The following DMTN variants were observed in gnomAD, a reference collection of about 807,000 sequenced individuals.
DMTN encodes dematin.
Under a neutral mutation model 59.4 loss-of-function variants are expected in DMTN, and 27 were observed. The ratio of observed to expected loss-of-function variants is 0.45; its 90% confidence interval spans 0.33 to 0.63. The LOEUF (loss-of-function observed/expected upper bound fraction) is 0.63. Ranked by LOEUF, DMTN falls within the 20% of genes least tolerant of loss-of-function variation. DMTN has a pLI of 0.02. For missense variants in DMTN, 451 were observed against 528.9 expected (o/e 0.85, Z 1.45); for synonymous variants, 221 against 203.7 (o/e 1.08, Z -0.72).
chr8:22,068,632 AG>A (rs1812679762), intron 4 of DMTN, among the ~76,000 whole-genome samples: 1 of 151,834 alleles, frequency 6.6e-6, no homozygotes, highest in Non-Finnish European at 1.5e-5. Flanking sequence ...GGAGAGAGAG[AG>A]GAAGGAAAGA....
Position 22,058,772 on chromosome 8 carries a change from G to A in DMTN, c.-172+1636G>A, listed in dbSNP as rs1804180205. Among the ~76,000 whole-genome samples the A allele has an allele frequency of 6.6e-6, 1 of 152,200 alleles. No homozygotes were observed. Among genetic ancestry groups the A allele is most frequent in the Admixed American group, 6.5e-5 (1 of 15,292 alleles). On this transcript the variant is annotated intron_variant, in intron 1 of 15. Transcript: ENST00000358242. This position sits in a 1 kb window ranked among gnomAD's most constrained non-coding sequence, Gnocchi z 4.3. ...GTAAAAAACATTGGAGTAGGGGAGA[G>A]GGAGAAAGTGGGAGAAGAGGAGGGA...
chr8:22,061,442 G>A (rs1011033038), intron 1 of DMTN, among the ~76,000 whole-genome samples: 5 of 152,182 alleles, frequency 3.3e-5, no homozygotes, highest in Non-Finnish European at 7.3e-5. Flanking sequence ...CCTCTGGCAC[G>A]GTATTTGTGC....
rs760084958 is a variant in DMTN, at chr8:22,067,777, T to A, written c.249+95T>A. On this transcript the variant is annotated intron_variant, in intron 4 of 15. Transcript: ENST00000358242. ...CCTCCCGTGCTTCCTTTCCTGGAGG[T>A]CTGCCTCGGCAAAACAAGAGAGGGA... 6.1e-4 allele frequency: 884 copies of A among 1,449,898 alleles called. 1 individual carries two copies. The highest frequency in any genetic ancestry group is 7.8e-4 in the Non-Finnish European group (834 of 1,075,380). 89.8% of individuals were successfully genotyped at this position (1,449,898 alleles called of 1,614,324 possible). A position where few individuals can be genotyped will look rare whatever the true frequency, so the allele number is the denominator to read the frequency against.
chr8:22,055,414 T>G (rs113279186), upstream of DMTN: 1,842 of 152,428 alleles, frequency 0.012, 14 homozygotes, highest in Non-Finnish European at 0.014. Context: ...CCCCTCTGTC[T>G]CTCAGACTCT....
intron 14 of DMTN, 110 bp downstream of exon 14, chr8:22,080,980 C>A (rs1823887163): frequency 1.4e-6 from 2 of 1,480,804 alleles, no homozygotes; most frequent in Non-Finnish European, 1.8e-6. Context: ...GGAGGGATGG[C>A]AGGGAAGTTG....
At chr8:22,053,858 G>A (rs1168758905), upstream of DMTN, 1 of 152,274 alleles carries the variant, frequency 6.6e-6, no homozygotes. Context: ...ACCCGCCTGG[G>A]GCCTGAGCCA....
In DMTN at chr8:22,066,700, C is replaced by T. The variant is rs1173641402; in HGVS notation, c.-171-5C>T. ...CGGCGCGGCCTCCCTCCCTTCTCCC[C>T]GCAGCCTGGAGAGTCACCGCCGAGG... On this transcript the variant is annotated splice_polypyrimidine_tract_variant and splice_region_variant and intron_variant, in intron 1 of 15. Transcript: ENST00000358242. The T allele has an allele frequency of 9.6e-6, 6 of 623,238 alleles. No homozygotes were observed. The highest frequency in any genetic ancestry group is 1.4e-5 in the Non-Finnish European group (6 of 442,808). 38.6% of individuals were successfully genotyped at this position (623,238 alleles called of 1,614,324 possible).
At chr8:22,066,449 G>A (rs1448554467) in intron 1 of DMTN, 2 of 153,826 alleles carry the variant, frequency 1.3e-5, no homozygotes, top group African/African-American at 4.8e-5. Flanking sequence ...CAGGTGCGGC[G>A]GGGCCAGGCC....
chr8:22,080,744 G>A (rs1823677586), intron 13 of DMTN, 61 bp from the exon 14 acceptor site: 1 of 1,589,918 alleles, frequency 6.3e-7, no homozygotes, highest in South Asian at 1.1e-5. Context: ...GAAGAAGCCG[G>A]GGTAAGGCTG....
rs1395630367 is a variant in DMTN, at chr8:22,069,401, C to T, written c.295-18C>T. The T allele has an allele frequency of 6.2e-7, 1 of 1,606,022 alleles. No individual in the cohort carries two copies. Among genetic ancestry groups the T allele is most frequent in the Admixed American group, 1.7e-5 (1 of 58,522 alleles). On this transcript the variant is annotated intron_variant, in intron 5 of 15. Coordinates refer to ENST00000358242, the MANE Select transcript of DMTN (RefSeq NM_001387751.1). ...GAGGGGGTTAGGGGCCCTGGAGCCA[C>T]ACGCTTCTGCTCTGCAGGTGTGGGC...
At chr8:22,079,303 A>ATATAG (rs67715172) in intron 10 of DMTN, among the ~76,000 whole-genome samples, 2,372 of 52,136 alleles carry the variant, frequency 0.045, 387 homozygotes, top group Non-Finnish European at 0.068. Flanking sequence ...TATATATATT[A>ATATAG]GCTGGGTTTG....
intron 5 of DMTN, 50 bp from the exon 6 acceptor site, chr8:22,069,369 T>A (rs919013660): frequency 6.6e-7 from 1 of 1,504,770 alleles, no homozygotes; most frequent in African/African-American, 1.4e-5. Flanking sequence ...GGTGCATGTG[T>A]GGGTTGGAGG....
rs957319643 is a variant in DMTN at position 22,070,428 on chromosome 8, C to A, written c.604+94C>A. ...CTGCAGTCCGTGAACCCACTCCCAC[C>A]CCTGCCCTATGGTGTCCTCGTGGGC... On this transcript the variant is annotated intron_variant, in intron 8 of 15. Coordinates refer to ENST00000358242, the MANE Select transcript of DMTN (RefSeq NM_001387751.1). 56 of 1,450,384 alleles carry A rather than the reference C, an allele frequency of 3.9e-5. No homozygotes were observed. The Middle Eastern group carries it at 7.3e-4, about 19-fold the overall frequency. The allele number at this position is 1,450,384 out of a possible 1,614,324, so 89.8% of individuals were successfully genotyped here. A position where few individuals can be genotyped will look rare whatever the true frequency, so the allele number is the denominator to read the frequency against.
At chr8:22,079,303 A>G (rs10103512) in intron 10 of DMTN, among the ~76,000 whole-genome samples, 5,563 of 51,798 alleles carry the variant, frequency 0.11, 673 homozygotes, top group African/African-American at 0.21. Flanking sequence ...TATATATATT[A>G]GCTGGGTTTG....
intron 6 of DMTN, 66 bp from the exon 7 acceptor site, chr8:22,069,815 A>G: frequency 1.9e-6 from 3 of 1,568,074 alleles, no homozygotes; most frequent in Non-Finnish European, 2.6e-6. Flanking sequence ...CATCATCTCC[A>G]TTCTCCTGGC....
intron 6 of DMTN, among the ~76,000 whole-genome samples, 181 bp from the exon 7 acceptor site, chr8:22,069,700 C>G (rs12681799): frequency 0.89 from 135,847 of 152,088 alleles, 61,430 homozygotes; most frequent in East Asian, 0.98. Flanking sequence ...CTCCCCCAGC[C>G]GGAAAAGTGT....
upstream of DMTN, among the ~76,000 whole-genome samples, chr8:22,051,460 G>A (rs1040220296): frequency 7.2e-5 from 11 of 152,144 alleles, no homozygotes; most frequent in Admixed American, 1.3e-4. Context: ...CAGGGACCAA[G>A]CCGAAAGCCT....
intron 2 of DMTN, 37 bp from the exon 3 acceptor site, chr8:22,067,048 G>A: frequency 1.6e-6 from 2 of 1,224,036 alleles, no homozygotes; most frequent in South Asian, 2.5e-5. Context: ...CCGCACACAC[G>A]CACGTGCCCA....
At position 22,066,696 on chromosome 8, in the gene DMTN, TC is replaced by T; in HGVS notation, c.-171-5del. On this transcript the variant is annotated splice_polypyrimidine_tract_variant and splice_region_variant and intron_variant, in intron 1 of 15. Transcript: ENST00000358242. ...GCCCCGGCGCGGCCTCCCTCCCTTC[TC>T]CCCGCAGCCTGGAGAGTCACCGCCG... 1.7e-6 allele frequency: 1 copy of T among 588,866 alleles called. No individual in the cohort carries two copies. The highest frequency in any genetic ancestry group is 2.4e-6 in the Non-Finnish European group (1 of 412,432). The allele number at this position is 588,866 out of a possible 1,614,324, so 36.5% of individuals were successfully genotyped here.
Sources: gnomAD v4.1 joint callset for allele counts (sites outside exome capture counted in the v4.1 genomes callset) on GRCh38, gnomAD v4.1.1 for gene constraint, Gnocchi (gnomAD v3.1) non-coding constraint, MANE v1.5 for transcripts, NCBI Gene and HGNC (gene_info 2026-07-23, HGNC 2026-07-21) for gene names.